CSNK1G1: variants seen among roughly 807,000 people sequenced by gnomAD.
The protein encoded by CSNK1G1 is casein kinase 1 gamma 1, also known as casein kinase I isoform gamma-1.
A neutral mutation model predicts 59.6 loss-of-function variants in CSNK1G1; 22 were observed. The ratio of observed to expected loss-of-function variants is 0.37; its 90% CI spans 0.26 to 0.53. The LOEUF (loss-of-function observed/expected upper bound fraction) is 0.53. CSNK1G1 is among the 20% of genes least tolerant of loss of function. The probability of loss-of-function intolerance (pLI) is 0.89; values close to 1 mark genes in which losing one functional copy is unlikely to be tolerated. For synonymous variants in CSNK1G1, 179 were observed against 177.1 expected (o/e 1.01, Z -0.08); for missense variants, 384 against 519.5 (o/e 0.74, Z 2.54).
At chr15:64,196,127 G>A (rs1567367056) in intron 10 of CSNK1G1, among the ~76,000 whole-genome samples, 1 of 152,090 alleles carries the variant, frequency 6.6e-6, no homozygotes, top group Non-Finnish European at 1.5e-5. Flanking sequence ...TGGGGTGGGA[G>A]GATTGCTTGA....
intron 4 of CSNK1G1, among the ~76,000 whole-genome samples, chr15:64,228,060 C>CTCT (rs1317664038): frequency 6.6e-6 from 1 of 152,154 alleles, no homozygotes; most frequent in African/African-American, 2.4e-5. Flanking sequence ...ATTTGTCCTA[C>CTCT]TCACCCTTTT....
chr15:64,337,972 T>G (rs142106428), intron 1 of CSNK1G1, among the ~76,000 whole-genome samples: 197 of 152,362 alleles, frequency 1.3e-3, no homozygotes, highest in African/African-American at 4.6e-3. Flanking sequence ...GTGTCAGAAT[T>G]TCCTTCCTTT....
At chr15:64,298,631 T>C (rs1170628831) in intron 2 of CSNK1G1, among the ~76,000 whole-genome samples, 1 of 152,164 alleles carries the variant, frequency 6.6e-6, no homozygotes, top group Non-Finnish European at 1.5e-5. Context: ...TTCTCATCAT[T>C]CTTAAATTCA....
chr15:64,208,246 C>T (rs1439979197), intron 6 of CSNK1G1, among the ~76,000 whole-genome samples: 2 of 152,100 alleles, frequency 1.3e-5, no homozygotes, highest in Admixed American at 6.6e-5. Context: ...ATCTGTAGTG[C>T]CAGCTACTTA....
chr15:64,215,968 T>C (rs2082306477), intron 5 of CSNK1G1, among the ~76,000 whole-genome samples: 1 of 152,200 alleles, frequency 6.6e-6, no homozygotes, highest in Non-Finnish European at 1.5e-5. Flanking sequence ...CAGTGGTTCA[T>C]GCCTGTAATC....
chr15:64,204,530 A>C lies in CSNK1G1; in HGVS notation c.910T>G (p.Tyr304Asp), dbSNP rs1295930868. ...RRLDFFEKPDYEYLRTLFTDL... is the reference protein window; with the variant it reads ...RRLDFFEKPDDEYLRTLFTDL... ...GTGAAGAGGGTCCGTAAATACTCAT[A>C]ATCAGGTTTTTCAAAGAAGTCCAGT... Residue 304 changes from tyrosine to aspartate, a missense_variant, in exon 9 of 12, where the codon TAT (tyrosine) becomes GAT (aspartate). Transcript: ENST00000303052. 6.2e-7 allele frequency: 1 copy of C among 1,613,968 alleles called. No individual in the cohort carries two copies. The highest frequency in any genetic ancestry group is 8.5e-7 in the Non-Finnish European group (1 of 1,179,948).
At chr15:64,189,424 G>T in intron 10 of CSNK1G1, 1 of 1,290,160 alleles carries the variant, frequency 7.8e-7, no homozygotes, top group Non-Finnish European at 1.0e-6. Flanking sequence ...CTCTTCCCCT[G>T]TGCCAGATGG....
At position 64,181,339 on chromosome 15, in the gene CSNK1G1, T is replaced by G. The variant is rs1341770714; in HGVS notation, c.1108-885A>C. 6 of 1,536,020 alleles carry G rather than the reference T, an allele frequency of 3.9e-6. No individual in the cohort carries two copies. In the African/African-American group the frequency reaches 6.8e-5, roughly 18 times the overall value. ...GCTGCTTCTGCCACCTGGTTTCATT[T>G]CCAGCACATTATTCCTGTTTATGTG... On this transcript the variant is annotated intron_variant, in intron 10 of 11. Coordinates refer to ENST00000303052, the MANE Select transcript of CSNK1G1 (RefSeq NM_022048.5).
chr15:64,304,180 G>C (rs1895533070), intron 1 of CSNK1G1, among the ~76,000 whole-genome samples: 1 of 151,848 alleles, frequency 6.6e-6, no homozygotes, highest in African/African-American at 2.4e-5. Context: ...CTGAGGTCAG[G>C]AGTTCAAAAC....
chr15:64,355,669 G>A (rs986673254), intron 1 of CSNK1G1, among the ~76,000 whole-genome samples: 21 of 152,082 alleles, frequency 1.4e-4, no homozygotes, highest in African/African-American at 4.8e-4. Context: ...TTTGGCTCCC[G>A]GGGGATGCTC....
Position 64,266,400 on chromosome 15 carries a change from T to A in CSNK1G1, c.182-7159A>T, listed in dbSNP as rs558497788. The stretch of plus-strand genomic sequence containing the variant: ...CCCTGACCTTGTCTCTTAAAAAAAA[T>A]AAAAATAAAAAATCGGAAGAATATT... On this transcript the variant is annotated intron_variant, in intron 2 of 11. Coordinates refer to ENST00000303052, the MANE Select transcript of CSNK1G1 (RefSeq NM_022048.5). 2.6e-5 allele frequency among the ~76,000 whole-genome samples: 4 copies of A among 151,470 alleles called. No individual in the cohort carries two copies. In the South Asian group the frequency reaches 6.3e-4, roughly 24 times the overall value.
In CSNK1G1 at chr15:64,216,913, T is replaced by C. The variant is rs1194955670; in HGVS notation, c.293-200A>G. The stretch of plus-strand genomic sequence containing the variant: ...AATAATGATGGGAAAGGCTAAGTCA[T>C]TGCACAATACGTTCAAATGAGTAGT... On this transcript the variant is annotated intron_variant, in intron 4 of 11. Coordinates refer to ENST00000303052, the MANE Select transcript of CSNK1G1 (RefSeq NM_022048.5). This position sits in a 1 kb window ranked among gnomAD's most constrained non-coding sequence, Gnocchi z 4.6. 6.6e-6 allele frequency among the ~76,000 whole-genome samples: 1 copy of C among 152,224 alleles called. No individual in the cohort carries two copies. The highest frequency in any genetic ancestry group is 2.4e-5 in the African/African-American group (1 of 41,458).
At chr15:64,235,947 A>G (rs2082608486) in intron 4 of CSNK1G1, among the ~76,000 whole-genome samples, 1 of 151,752 alleles carries the variant, frequency 6.6e-6, no homozygotes, top group Admixed American at 6.6e-5. Flanking sequence ...GAAAACTGTT[A>G]GGTAAACAGC....
chr15:64,288,029 C>A (rs1894521729), intron 2 of CSNK1G1, among the ~76,000 whole-genome samples: 1 of 152,022 alleles, frequency 6.6e-6, no homozygotes, highest in Admixed American at 6.5e-5. Flanking sequence ...AGCCATCCAG[C>A]AGAAAAGGAA....
At position 64,203,195 on chromosome 15, in the gene CSNK1G1, A is replaced by G; in HGVS notation, c.1000-6T>C. 1 of 1,601,570 alleles carries G rather than the reference A, an allele frequency of 6.2e-7. No individual in the cohort carries two copies. Among genetic ancestry groups the G allele is most frequent in the South Asian group, 1.1e-5 (1 of 90,784 alleles). On this transcript the variant is annotated splice_region_variant and splice_polypyrimidine_tract_variant and intron_variant, in intron 9 of 11. Transcript: ENST00000303052. ...ACTGACCCTACTGGAGTAGGCTAGA[A>G]AAATGAAACAAAAAGTCAAATGGGG...
At chr15:64,343,663 T>C (rs1897795624) in intron 1 of CSNK1G1, among the ~76,000 whole-genome samples, 1 of 151,980 alleles carries the variant, frequency 6.6e-6, no homozygotes, top group Non-Finnish European at 1.5e-5. Flanking sequence ...TTTGCTTCAT[T>C]ACATATCTGT....
chr15:64,281,069 C>T (rs1169332114), intron 2 of CSNK1G1, among the ~76,000 whole-genome samples: 1 of 152,060 alleles, frequency 6.6e-6, no homozygotes, highest in South Asian at 2.1e-4. Context: ...TTAGTAGAGA[C>T]GTGGTTTTAC....
At chr15:64,199,250 CAAA>C (rs56819260) in intron 10 of CSNK1G1, among the ~76,000 whole-genome samples, 5 of 52,346 alleles carry the variant, frequency 9.6e-5, no homozygotes, top group African/African-American at 3.0e-4. Context: ...AATCTTTTCT[CAAA>C]AAAAAAAAAA....
At chr15:64,293,044 T>C (rs1210807941) in intron 2 of CSNK1G1, among the ~76,000 whole-genome samples, 1 of 152,246 alleles carries the variant, frequency 6.6e-6, no homozygotes, top group Non-Finnish European at 1.5e-5. Flanking sequence ...GAAAATAATT[T>C]TATTTTAATG....
Sources: gnomAD v4.1 joint callset for allele counts (sites outside exome capture counted in the v4.1 genomes callset) on GRCh38, gnomAD v4.1.1 for gene constraint, Gnocchi (gnomAD v3.1) non-coding constraint, MANE v1.5 for transcripts, NCBI Gene and HGNC (gene_info 2026-07-23, HGNC 2026-07-21) for gene names.